The following PRRC2C variants were observed in gnomAD, a reference collection of about 807,000 sequenced individuals.
PRRC2C encodes proline rich coiled-coil 2C, also known as protein PRRC2C.
PRRC2C carries 72 observed loss-of-function variants against 317.2 expected under a neutral mutation model. That is an observed-to-expected ratio of 0.23 (90% CI 0.19 to 0.28). The LOEUF (loss-of-function observed/expected upper bound fraction) is 0.28, where lower values mean the gene tolerates loss of function less well. Among genes scored for constraint, PRRC2C ranks in the 10% least tolerant of loss-of-function variants. The probability of loss-of-function intolerance (pLI) is 1.00; values close to 1 mark genes in which losing one functional copy is unlikely to be tolerated. For synonymous variants in PRRC2C, 1,296 were observed against 1,205.9 expected, an observed-to-expected ratio of 1.07 and a Z score of -1.55; for missense variants, 3,074 against 3,459.7, an observed-to-expected ratio of 0.89 and a Z score of 2.80.
At chr1:171,508,070 A>C (rs764472465) in intron 1 of PRRC2C, among the ~76,000 whole-genome samples, 12 of 152,212 alleles carry the variant, frequency 7.9e-5, no homozygotes, top group African/African-American at 2.7e-4. Context: ...TTTCTACTTA[A>C]AAGATCATGT....
At chr1:171,579,777 A>G in intron 27 of PRRC2C, 51 bp from the exon 28 acceptor site, 1 of 1,478,460 alleles carries the variant, frequency 6.8e-7, no homozygotes, top group African/African-American at 1.4e-5. Context: ...TTAATGATTT[A>G]TCTGTATGAT....
At position 171,575,008 on chromosome 1, in the gene PRRC2C, A is replaced by C; in HGVS notation, c.6835A>C (p.Ile2279Leu). The C allele has an allele frequency of 6.2e-7, 1 of 1,613,804 alleles. No individual in the cohort carries two copies. The highest frequency in any genetic ancestry group is 8.5e-7 in the Non-Finnish European group (1 of 1,179,790). The stretch of plus-strand genomic sequence containing the variant: ...TCCAGTAACTTCCACAGCACCTCCA[A>C]TTGCAACTGGAGTCAGCAGTAGTGC... ...GSPVTSTAPP[I>L]ATGVSSSASG... Residue 2279 changes from isoleucine (I) to leucine (L), a missense_variant, in exon 25 of 35, where the codon ATT becomes CTT. Ile to Leu is a conservative substitution (Grantham distance 5). Coordinates refer to ENST00000647382, the MANE Select transcript of PRRC2C (RefSeq NM_001387844.1).
At chr1:171,591,377 T>G in intron 34 of PRRC2C, 1 of 620,008 alleles carries the variant, frequency 1.6e-6, no homozygotes, top group Non-Finnish European at 2.3e-6. Context: ...CCTGTGGTTT[T>G]TTTTTTTTTT....
At chr1:171,486,418 A>G (rs1158610862) in intron 1 of PRRC2C, among the ~76,000 whole-genome samples, 1 of 152,042 alleles carries the variant, frequency 6.6e-6, no homozygotes. Flanking sequence ...TCTTTGAGAT[A>G]GCGTTGATAT....
At chr1:171,516,055 C>T (rs1015739523) in intron 5 of PRRC2C, among the ~76,000 whole-genome samples, 196 bp downstream of exon 5, 3 of 152,186 alleles carry the variant, frequency 2.0e-5, no homozygotes, top group Admixed American at 1.3e-4. Context: ...AGAAATGTGT[C>T]ATCTTGGGCC....
At chr1:171,522,576 C>T (rs903618887) in intron 7 of PRRC2C, 8 of 167,924 alleles carry the variant, frequency 4.8e-5, no homozygotes, top group Non-Finnish European at 8.9e-5. Context: ...TCAAGGCCAG[C>T]CTGGCCAGCA....
intron 4 of PRRC2C, 133 bp from the exon 5 acceptor site, chr1:171,515,601 T>C (rs1672215006): frequency 2.8e-6 from 2 of 716,832 alleles, no homozygotes; most frequent in Non-Finnish European, 4.3e-6. Flanking sequence ...TAAAGTGATA[T>C]GGCTATGAAC....
rs1682557843 is a variant in PRRC2C at position 171,560,918 on chromosome 1, G to A, written c.6032-100G>A. 4 of 922,338 alleles carry A rather than the reference G, an allele frequency of 4.3e-6. No homozygotes were observed. In the Admixed American group the frequency reaches 5.2e-5, roughly 12 times the overall value. 57.1% of individuals were successfully genotyped at this position (922,338 alleles called of 1,614,324 possible). On this transcript the variant is annotated intron_variant, in intron 19 of 34. Coordinates refer to ENST00000647382, the MANE Select transcript of PRRC2C (RefSeq NM_001387844.1). The stretch of plus-strand genomic sequence containing the variant: ...AAGTGATTGTTTTATTCCCTGGCTA[G>A]TAATAGCTACACAGTAGGAGATTAA...
intron 17 of PRRC2C, among the ~76,000 whole-genome samples, chr1:171,546,421 G>A (rs1679127892): frequency 6.6e-6 from 1 of 152,216 alleles, no homozygotes; most frequent in African/African-American, 2.4e-5. Context: ...AGTTATTCTA[G>A]TATAAGAGAT....
chr1:171,586,247 A>G (rs1281361484), intron 30 of PRRC2C, among the ~76,000 whole-genome samples: 1 of 146,490 alleles, frequency 6.8e-6, no homozygotes, highest in East Asian at 2.0e-4. Context: ...ATTTTATTTT[A>G]TTTATTTATT....
intron 24 of PRRC2C, among the ~76,000 whole-genome samples, chr1:171,572,151 T>TAA (rs903373973): frequency 2.0e-5 from 3 of 151,852 alleles, no homozygotes; most frequent in Non-Finnish European, 4.4e-5. Flanking sequence ...TTTTTTAATT[T>TAA]AAAAAAAAAT....
At chr1:171,512,415 G>C in intron 2 of PRRC2C, 1 of 411,740 alleles carries the variant, frequency 2.4e-6, no homozygotes. Context: ...AAATATTTTT[G>C]TTTTTCTCTG....
intron 31 of PRRC2C, among the ~76,000 whole-genome samples, 160 bp downstream of exon 31, chr1:171,587,381 T>C (rs1001674056): frequency 6.6e-6 from 1 of 152,242 alleles, no homozygotes; most frequent in African/African-American, 2.4e-5. Flanking sequence ...TTACTTTTAA[T>C]GTGTTTGGCC....
chr1:171,578,290 T>C (rs1409569751), intron 26 of PRRC2C, among the ~76,000 whole-genome samples: 1 of 151,984 alleles, frequency 6.6e-6, no homozygotes, highest in South Asian at 2.1e-4. Flanking sequence ...TGGTGGCTCA[T>C]ACCTATAATC....
Position 171,540,373 on chromosome 1 carries a change from A to G in PRRC2C, c.2907A>G (p.Pro969=). 1 of 1,612,230 alleles carries G rather than the reference A, an allele frequency of 6.2e-7. No individual in the cohort carries two copies. The highest frequency in any genetic ancestry group is 1.1e-5 in the South Asian group (1 of 90,744). Residue 969 remains proline, a synonymous_variant, in exon 16 of 35, where the codon CCA becomes CCG. Coordinates refer to ENST00000647382, the MANE Select transcript of PRRC2C (RefSeq NM_001387844.1). ...KEPIERPEEK[P]KKEGFIRSSE... ...CAATAGAAAGGCCAGAGGAGAAACC[A>G]AAAAAGGAAGGCTTTATACGATCTT...
chr1:171,535,654 A>G, intron 13 of PRRC2C, 57 bp downstream of exon 13: 1 of 1,534,486 alleles, frequency 6.5e-7, no homozygotes, highest in Non-Finnish European at 8.9e-7. Context: ...ATTATGCAGT[A>G]GTCTGGGAAA....
At chr1:171,584,555 A>G (rs549152985) in intron 30 of PRRC2C, 29 bp downstream of exon 30, 20 of 1,514,330 alleles carry the variant, frequency 1.3e-5, no homozygotes, top group South Asian at 2.6e-5. Context: ...AATTTCCTCA[A>G]TTTTCTTTAT....
intron 3 of PRRC2C, 122 bp downstream of exon 3, chr1:171,513,294 C>T (rs182600094): frequency 9.3e-7 from 1 of 1,079,942 alleles, no homozygotes; most frequent in African/African-American, 1.6e-5. Context: ...ATTTTATACT[C>T]TTTAAAGTCT....
chr1:171,560,153 C>G (rs1312418673), intron 19 of PRRC2C, among the ~76,000 whole-genome samples: 1 of 152,146 alleles, frequency 6.6e-6, no homozygotes, highest in East Asian at 1.9e-4. Flanking sequence ...TTCTAGACTC[C>G]TTTAAGAACA....
Sources: allele counts gnomAD v4.1 joint callset (sites outside exome capture counted in the v4.1 genomes callset), GRCh38; gene constraint gnomAD v4.1.1; transcripts MANE v1.5; gene names NCBI Gene and HGNC (gene_info 2026-07-23, HGNC 2026-07-21).